The following AXIN1 variants were observed in gnomAD, a reference collection of about 807,000 sequenced individuals.
The protein encoded by AXIN1 is axin 1.
A neutral mutation model predicts 76.4 loss-of-function variants in AXIN1; 30 were observed. The observed-to-expected ratio is 0.39, with a 90% confidence interval of 0.29 to 0.53. The LOEUF (loss-of-function observed/expected upper bound fraction) is 0.53, where lower values mean the gene tolerates loss of function less well. Ranked by LOEUF, AXIN1 falls within the 20% of genes least tolerant of loss-of-function variation. The probability of loss-of-function intolerance (pLI) is 0.66; values close to 1 mark genes in which losing one functional copy is unlikely to be tolerated. For missense variants in AXIN1, 1,140 were observed against 1,198.8 expected, an observed-to-expected ratio of 0.95 and a Z score of 0.72; for synonymous variants, 545 against 501.4, an observed-to-expected ratio of 1.09 and a Z score of -1.16.
chr16:297,266 G>A (rs2052737274), intron 6 of AXIN1, 40 bp from the exon 7 acceptor site: 1 of 1,599,970 alleles, frequency 6.3e-7, no homozygotes, highest in Non-Finnish European at 8.5e-7. Context: ...GGCCTCCGGT[G>A]GCCGAGGCTG....
intron 4 of AXIN1, among the ~76,000 whole-genome samples, chr16:307,744 G>A (rs781191470): frequency 3.0e-4 from 45 of 152,208 alleles, no homozygotes; most frequent in Non-Finnish European, 5.3e-4. Flanking sequence ...GGACTCACCA[G>A]AGAAACGGCA....
intron 8 of AXIN1, chr16:292,088 C>T (rs1439080760): frequency 1.3e-5 from 2 of 149,088 alleles, no homozygotes; most frequent in African/African-American, 5.0e-5. Context: ...AGCGCAGACG[C>T]AACCTGAGAG....
In AXIN1 at chr16:352,399, C is replaced by A; in HGVS notation, c.-112G>T. 1 of 952,220 alleles carries A rather than the reference C, an allele frequency of 1.1e-6. No individual in the cohort carries two copies. The highest frequency in any genetic ancestry group is 1.3e-4 in the East Asian group (1 of 7,624). 59.0% of individuals were successfully genotyped at this position (952,220 alleles called of 1,614,324 possible). On this transcript the variant is annotated 5_prime_UTR_variant, in exon 1 of 11. Transcript: ENST00000262320. Reference sequence around the variant, plus strand: ...CGCGGTGGTGGCGGGACCCCGGGCCCGGCTCCCGGAGCGGCGCGGCGCGGT... The same window carrying A: ...CGCGGTGGTGGCGGGACCCCGGGCCAGGCTCCCGGAGCGGCGCGGCGCGGT...
At chr16:290,184 G>A in intron 9 of AXIN1, 1 of 163,994 alleles carries the variant, frequency 6.1e-6, no homozygotes, top group Non-Finnish European at 1.3e-5. Flanking sequence ...GGGCCTGGTT[G>A]CTCTCGCACC....
intron 2 of AXIN1, among the ~76,000 whole-genome samples, chr16:334,125 C>T (rs1313720108): frequency 6.6e-6 from 1 of 151,716 alleles, no homozygotes; most frequent in African/African-American, 2.4e-5. Flanking sequence ...AATAACACAG[C>T]ACCCAGTACC....
intron 2 of AXIN1, among the ~76,000 whole-genome samples, chr16:325,013 C>G (rs1001607769): frequency 2.0e-5 from 3 of 152,204 alleles, no homozygotes; most frequent in African/African-American, 7.2e-5. Flanking sequence ...CGGACCCGCA[C>G]AGAACCACAG....
intron 2 of AXIN1, among the ~76,000 whole-genome samples, chr16:339,409 G>A (rs1222655196): frequency 3.5e-5 from 5 of 143,020 alleles, no homozygotes; most frequent in Non-Finnish European, 7.7e-5. Context: ...TGCTGAGGAG[G>A]CTGAGGCAGG....
At position 346,850 on chromosome 16, in the gene AXIN1, G is replaced by T. The variant is rs2141707874; in HGVS notation, c.176C>A (p.Ala59Asp). 6.2e-7 allele frequency: 1 copy of T among 1,613,520 alleles called. No individual in the cohort carries two copies. Among genetic ancestry groups the T allele is most frequent in the Non-Finnish European group, 8.5e-7 (1 of 1,179,478 alleles). Residue 59 changes from alanine (A) to aspartate (D), a missense_variant, in exon 2 of 11, where the codon GCC (alanine) becomes GAC (aspartate). This residue lies in a region of AXIN1 where 708 missense variants were observed against 776.9 expected (regional missense o/e 0.91). Transcript: ENST00000262320. ...GVGIKGETST[A>D]TPRRSDLDLG... ...GTCCAGATCCGAGCGCCTCGGAGTG[G>T]CCGTCGAAGTCTCACCTTTAATGCC...
chr16:302,793 C>T (rs1308061308), intron 5 of AXIN1, among the ~76,000 whole-genome samples: 1 of 152,136 alleles, frequency 6.6e-6, no homozygotes, highest in Non-Finnish European at 1.5e-5. Context: ...TTCATATTCA[C>T]GAACATTGAA....
In AXIN1 at chr16:310,093, G is replaced by A. The variant is rs763227952; in HGVS notation, c.1020-24C>T. On this transcript the variant is annotated intron_variant, in intron 3 of 10. Transcript: ENST00000262320. Reference sequence around the variant, plus strand: ...CCCTGTCCAGGAGAAAGAGGCAGCCGTTAACTCAGAGAGGAGCAGGAGGGC... The same window carrying A: ...CCCTGTCCAGGAGAAAGAGGCAGCCATTAACTCAGAGAGGAGCAGGAGGGC... 1.1e-5 allele frequency: 17 copies of A among 1,589,464 alleles called. 1 individual carries two copies. Among genetic ancestry groups the A allele is most frequent in the South Asian group, 3.4e-5 (3 of 88,256 alleles).
chr16:294,030 G>C (rs1462253242), intron 7 of AXIN1, among the ~76,000 whole-genome samples: 1 of 152,112 alleles, frequency 6.6e-6, no homozygotes, highest in Non-Finnish European at 1.5e-5. Flanking sequence ...AAAATTAGCT[G>C]GGCGCCTGTC....
At chr16:334,302 A>G (rs920568075) in intron 2 of AXIN1, among the ~76,000 whole-genome samples, 3 of 148,864 alleles carry the variant, frequency 2.0e-5, no homozygotes, top group African/African-American at 7.6e-5. Context: ...GCATGCCAAT[A>G]ACCCAGCACC....
At chr16:288,269 G>GGGCA in intron 10 of AXIN1, 21 bp from the exon 11 acceptor site, 1 of 1,613,336 alleles carries the variant, frequency 6.2e-7, no homozygotes, top group South Asian at 1.1e-5. Context: ...GAGGTGAGGA[G>GGGCA]GGCAGTGAGC....
intron 2 of AXIN1, among the ~76,000 whole-genome samples, chr16:343,029 C>T (rs977920449): frequency 6.6e-6 from 1 of 152,188 alleles, no homozygotes; most frequent in African/African-American, 2.4e-5. Flanking sequence ...GACAAGCAAC[C>T]ATTCCAACAT....
intron 4 of AXIN1, among the ~76,000 whole-genome samples, chr16:305,314 A>G (rs214238): frequency 6.6e-6 from 1 of 151,664 alleles, no homozygotes; most frequent in Non-Finnish European, 1.5e-5. Flanking sequence ...ACAAACAAAA[A>G]TTTTTTTTAA....
chr16:338,782 G>A (rs1447850162), intron 2 of AXIN1, among the ~76,000 whole-genome samples: 1 of 152,196 alleles, frequency 6.6e-6, no homozygotes, highest in Non-Finnish European at 1.5e-5. Flanking sequence ...AAGTAGCCAG[G>A]AGTGGGGGCA....
At chr16:325,939 C>T (rs1480052212) in intron 2 of AXIN1, among the ~76,000 whole-genome samples, 3 of 152,110 alleles carry the variant, frequency 2.0e-5, no homozygotes, top group Non-Finnish European at 4.4e-5. Flanking sequence ...GGGCCCCACT[C>T]ACTCACGCTG....
At chr16:324,692 G>A (rs1212917361) in intron 2 of AXIN1, among the ~76,000 whole-genome samples, 1 of 152,232 alleles carries the variant, frequency 6.6e-6, no homozygotes, top group Non-Finnish European at 1.5e-5. Flanking sequence ...TATACCAGGA[G>A]GAGGAGGGGC....
rs2054032326 is a variant in AXIN1, at chr16:346,268, A to C, written c.758T>G (p.Met253Arg). ...AGCGTCTCTGCCATCGTCCTCATCC[A>C]TGTCCTGGTCACACTTCCATTCCTC... is the stretch of plus-strand genomic sequence containing the variant. ...EDEEWKCDQD[M>R]DEDDGRDAAP... The change falls in exon 2 of 11, where the codon ATG becomes AGG. Residue 253 changes from methionine (M) to arginine (R), a missense_variant. Coordinates refer to ENST00000262320, the MANE Select transcript of AXIN1 (RefSeq NM_003502.4). 1.9e-6 allele frequency: 3 copies of C among 1,614,006 alleles called. No individual in the cohort carries two copies. The highest frequency in any genetic ancestry group is 2.5e-6 in the Non-Finnish European group (3 of 1,180,014).
Sources: allele counts gnomAD v4.1 joint callset (sites outside exome capture counted in the v4.1 genomes callset), GRCh38; gene constraint gnomAD v4.1.1; regional missense constraint gnomAD v4.1.1; transcripts MANE v1.5; gene names NCBI Gene and HGNC (gene_info 2026-07-23, HGNC 2026-07-21).